LYPD1: variants seen among roughly 807,000 people sequenced by gnomAD.
The protein encoded by LYPD1 is LY6/PLAUR domain containing 1.
LYPD1 carries 14 observed loss-of-function variants against 14.2 expected under a neutral mutation model. That is an observed-to-expected ratio of 0.99 (90% CI 0.65 to 1.54). The LOEUF (loss-of-function observed/expected upper bound fraction) is 1.54. Among genes scored for constraint, LYPD1 ranks in the 40% most tolerant of loss-of-function variants. The probability of loss-of-function intolerance (pLI) is 0.00; values close to 1 mark genes in which losing one functional copy is unlikely to be tolerated. For synonymous variants in LYPD1, 85 were observed against 70.6 expected (o/e 1.20, Z -1.02); for missense variants, 165 against 175.7 (o/e 0.94, Z 0.34).
chr2:132,649,206 G>A (rs1682261552), intron 2 of LYPD1, among the ~76,000 whole-genome samples: 1 of 152,118 alleles, frequency 6.6e-6, no homozygotes, highest in Non-Finnish European at 1.5e-5. Context: ...TAATAGAAAT[G>A]GGGAAATTTG....
intron 2 of LYPD1, among the ~76,000 whole-genome samples, chr2:132,659,922 C>A (rs1051583913): frequency 1.4e-4 from 21 of 152,194 alleles, no homozygotes; most frequent in African/African-American, 4.8e-4. Context: ...GTGCATAAAC[C>A]CCCTTGCCCA....
Position 132,645,827 on chromosome 2 carries a change from C to A in LYPD1, c.*218G>T. On this transcript the variant is annotated 3_prime_UTR_variant, in exon 3 of 3. Transcript: ENST00000397463. ...ATGGGGGTGAACTTTCACTCCACCTCCTTCCTTCAAGTACATACTGAAAAT... is the reference window on the plus strand; with the variant it reads ...ATGGGGGTGAACTTTCACTCCACCTACTTCCTTCAAGTACATACTGAAAAT... The A allele has an allele frequency of 1.5e-6, 1 of 685,170 alleles. No individual in the cohort carries two copies. The highest frequency in any genetic ancestry group is 2.8e-5 in the East Asian group (1 of 35,890). 42.4% of individuals were successfully genotyped at this position (685,170 alleles called of 1,614,324 possible). A position where few individuals can be genotyped will look rare whatever the true frequency, so the allele number is the denominator to read the frequency against.
At chr2:132,651,363 G>C (rs533560590) in intron 2 of LYPD1, among the ~76,000 whole-genome samples, 3 of 152,132 alleles carry the variant, frequency 2.0e-5, no homozygotes, top group South Asian at 4.1e-4. Context: ...AAGTCTCAGG[G>C]TCACGGGGCA....
chr2:132,662,733 CTTCGT>C (rs1683028652), intron 2 of LYPD1, among the ~76,000 whole-genome samples: 1 of 152,164 alleles, frequency 6.6e-6, no homozygotes, highest in Admixed American at 6.5e-5. Context: ...TGTTTTCATA[CTTCGT>C]TTCATTTTCA....
In LYPD1 at chr2:132,649,929, C is replaced by T. The variant is rs1191082306; in HGVS notation, c.191-3649G>A. On this transcript the variant is annotated intron_variant, in intron 2 of 2. Coordinates refer to ENST00000397463, the MANE Select transcript of LYPD1 (RefSeq NM_144586.7). ...AAAGGCTATTCTATGACATAACACC[C>T]AGAAGCCATTACAGAAAATATTGAA... is the stretch of plus-strand genomic sequence containing the variant. 3.3e-5 allele frequency among the ~76,000 whole-genome samples: 5 copies of T among 152,104 alleles called. No individual in the cohort carries two copies. In the East Asian group the frequency reaches 9.6e-4, roughly 29 times the overall value.
chr2:132,661,498 T>C (rs1298524743), intron 2 of LYPD1, among the ~76,000 whole-genome samples: 1 of 152,196 alleles, frequency 6.6e-6, no homozygotes, highest in East Asian at 1.9e-4. Flanking sequence ...CTGCTAAACC[T>C]GAGCTTTCTT....
intron 2 of LYPD1, chr2:132,662,985 G>A (rs1248665416): frequency 2.0e-5 from 3 of 152,196 alleles, no homozygotes; most frequent in Non-Finnish European, 4.4e-5. Flanking sequence ...AAAGACATTT[G>A]ATATTCCCCC....
Position 132,644,751 on chromosome 2 carries a change from A to G in LYPD1, c.*1294T>C, listed in dbSNP as rs1302106712. ...ATCTTTTTCTTTAAAACAAAAAAAG[A>G]CAAAACCAGATTTATGGATAACATG... On this transcript the variant is annotated 3_prime_UTR_variant, in exon 3 of 3. Coordinates refer to ENST00000397463, the MANE Select transcript of LYPD1 (RefSeq NM_144586.7). 4.2e-6 allele frequency: 1 copy of G among 235,994 alleles called. No individual in the cohort carries two copies. Among genetic ancestry groups the G allele is most frequent in the East Asian group, 1.1e-4 (1 of 9,378 alleles). 14.6% of individuals were successfully genotyped at this position (235,994 alleles called of 1,614,324 possible). A position where few individuals can be genotyped will look rare whatever the true frequency, so the allele number is the denominator to read the frequency against.
At chr2:132,671,404 G>A (rs1193472998), upstream of LYPD1, 1 of 152,394 alleles carries the variant, frequency 6.6e-6, no homozygotes, top group Non-Finnish European at 1.5e-5. Flanking sequence ...GGCCACTTCT[G>A]GGGGCAGCTC....
At chr2:132,662,742 A>G (rs1055090840) in intron 2 of LYPD1, among the ~76,000 whole-genome samples, 1 of 152,106 alleles carries the variant, frequency 6.6e-6, no homozygotes, top group Non-Finnish European at 1.5e-5. Flanking sequence ...ACTTCGTTTC[A>G]TTTTCACTTG....
At chr2:132,671,402 C>G (rs1362994082), upstream of LYPD1, 1 of 152,472 alleles carries the variant, frequency 6.6e-6, no homozygotes, top group African/African-American at 2.4e-5. Flanking sequence ...CCGGCCACTT[C>G]TGGGGGCAGC....
intron 2 of LYPD1, among the ~76,000 whole-genome samples, chr2:132,662,872 C>G (rs1683038078): frequency 6.6e-6 from 1 of 152,196 alleles, no homozygotes; most frequent in Non-Finnish European, 1.5e-5. Flanking sequence ...CTGGATCAAT[C>G]TTCAAATGTT....
At chr2:132,668,677 G>A (rs1472368275) in intron 1 of LYPD1, 140 bp from the exon 2 acceptor site, 2 of 1,249,150 alleles carry the variant, frequency 1.6e-6, no homozygotes, top group Non-Finnish European at 2.1e-6. Flanking sequence ...GGGTAGGGCT[G>A]GATGTGGCTG....
rs138594931 is a variant in LYPD1 at position 132,653,885 on chromosome 2, A to G, written c.191-7605T>C. On this transcript the variant is annotated intron_variant, in intron 2 of 2. Coordinates refer to ENST00000397463, the MANE Select transcript of LYPD1 (RefSeq NM_144586.7). ...ACAGCAGACAATCCCAAACTGAGGG[A>G]CAGTGTACAAAAATCTGGACCAGTC... 5.0e-3 allele frequency among the ~76,000 whole-genome samples: 765 copies of G among 152,326 alleles called. 5 individuals carry two copies. The highest frequency in any genetic ancestry group is 0.017 in the Middle Eastern group (5 of 294).
intron 2 of LYPD1, 125 bp downstream of exon 2, chr2:132,668,275 T>G (rs931685899): frequency 8.1e-7 from 1 of 1,237,980 alleles, no homozygotes. Flanking sequence ...TAAAACTAAA[T>G]CTGCGATAAC....
intron 2 of LYPD1, among the ~76,000 whole-genome samples, chr2:132,652,885 T>G (rs971936566): frequency 2.6e-5 from 4 of 152,174 alleles, no homozygotes; most frequent in African/African-American, 9.7e-5. Flanking sequence ...TCTGCCTTAT[T>G]TATTTGGATG....
At position 132,644,916 on chromosome 2, in the gene LYPD1, T is replaced by G; in HGVS notation, c.*1129A>C. 1.6e-6 allele frequency: 1 copy of G among 633,906 alleles called. No homozygotes were observed. Among genetic ancestry groups the G allele is most frequent in the Non-Finnish European group, 2.7e-6 (1 of 372,564 alleles). The allele number at this position is 633,906 out of a possible 1,614,324, so 39.3% of individuals were successfully genotyped here. On this transcript the variant is annotated 3_prime_UTR_variant, in exon 3 of 3. Coordinates refer to ENST00000397463, the MANE Select transcript of LYPD1 (RefSeq NM_144586.7). The stretch of plus-strand genomic sequence containing the variant: ...GCCAACTCCCCCGGGTTTGAAACAG[T>G]GTTAAATTCTCTCTTGCTTGTGGCA...
rs747929693 is a variant in LYPD1, at chr2:132,645,321, G to A, written c.*724C>T. ...TTCGGCGGGTGTTCGTGCAGGTGCT[G>A]TGCTGCCGCCTGTCGCTGCAGCACG... On this transcript the variant is annotated 3_prime_UTR_variant, in exon 3 of 3. Transcript: ENST00000397463. The A allele has an allele frequency of 1.4e-5, 22 of 1,614,072 alleles. No individual in the cohort carries two copies. Among genetic ancestry groups the A allele is most frequent in the East Asian group, 2.2e-5 (1 of 44,890 alleles).
In LYPD1 at chr2:132,643,899, A is replaced by G. The variant is rs576144222; in HGVS notation, c.*2146T>C. On this transcript the variant is annotated 3_prime_UTR_variant, in exon 3 of 3. Coordinates refer to ENST00000397463, the MANE Select transcript of LYPD1 (RefSeq NM_144586.7). Reference sequence around the variant, plus strand: ...CAACTGTCACTTCCCTAGGGTTTCTAGAAAATCAGAAGATTGAAAATGTGA... The same window carrying G: ...CAACTGTCACTTCCCTAGGGTTTCTGGAAAATCAGAAGATTGAAAATGTGA... 2.6e-4 allele frequency among the ~76,000 whole-genome samples: 40 copies of G among 152,350 alleles called. No homozygotes were observed. The highest frequency in any genetic ancestry group is 9.1e-4 in the African/African-American group (38 of 41,582).
Sources: allele counts gnomAD v4.1 joint callset (sites outside exome capture counted in the v4.1 genomes callset), GRCh38; gene constraint gnomAD v4.1.1; transcripts MANE v1.5; gene names NCBI Gene and HGNC (gene_info 2026-07-23, HGNC 2026-07-21).